Variants in CELSR1 observed in about 807,000 individuals in gnomAD.
CELSR1 encodes the protein cadherin EGF LAG seven-pass G-type receptor 1.
In CELSR1, 110 loss-of-function variants were observed where a neutral mutation model predicts 249.1. The observed-to-expected ratio is 0.44, with a 90% CI of 0.38 to 0.52. The LOEUF (loss-of-function observed/expected upper bound fraction) is 0.52, where lower values mean the gene tolerates loss of function less well. CELSR1 is among the 20% of genes least tolerant of loss of function. The probability of loss-of-function intolerance (pLI) is 0.00; values close to 1 mark genes in which losing one functional copy is unlikely to be tolerated. For missense variants in CELSR1, 4,109 were observed against 4,296.4 expected (o/e 0.96, Z 1.22); for synonymous variants, 2,113 against 1,900.0 (o/e 1.11, Z -2.92).
rs549939605 is a variant in CELSR1, at chr22:46,381,122, C to T, written c.7089-167G>A. Reference sequence around the variant, plus strand: ...CCCCACAGTATCTTCATCCCTAGAGCAGGTTTTATCACTGACAGGGCACAC... The same window carrying T: ...CCCCACAGTATCTTCATCCCTAGAGTAGGTTTTATCACTGACAGGGCACAC... On this transcript the variant is annotated intron_variant, in intron 21 of 34. Transcript: ENST00000674500. This position sits in a 1 kb window ranked among gnomAD's most constrained non-coding sequence, Gnocchi z 6.0. 6.6e-6 allele frequency among the ~76,000 whole-genome samples: 1 copy of T among 152,250 alleles called. No individual in the cohort carries two copies. The highest frequency in any genetic ancestry group is 1.9e-4 in the East Asian group (1 of 5,186).
rs559027745 is a variant in CELSR1 at position 46,404,729 on chromosome 22, T to C, written c.5226+4267A>G. The stretch of plus-strand genomic sequence containing the variant: ...GTCTTGAACTCCTGACCTCAGGTGA[T>C]CCACCTGCCTTGGCCTTCCAAAGTG... On this transcript the variant is annotated intron_variant, in intron 9 of 34. Transcript: ENST00000674500. Among the ~76,000 whole-genome samples, 46 of 152,326 alleles carry C rather than the reference T, an allele frequency of 3.0e-4. No individual in the cohort carries two copies. The East Asian group carries it at 7.7e-3, about 26-fold the overall frequency.
intron 26 of CELSR1, 67 bp from the exon 27 acceptor site, chr22:46,369,325 G>A (rs904064345): frequency 5.0e-5 from 69 of 1,382,900 alleles, no homozygotes; most frequent in Middle Eastern, 1.8e-4. Flanking sequence ...TGCCAAAAGC[G>A]CCTGAGGCCC....
intron 1 of CELSR1, chr22:46,530,213 G>T: frequency 6.6e-6 from 1 of 152,336 alleles, no homozygotes; most frequent in South Asian, 1.9e-4. Flanking sequence ...AGGCTGACAT[G>T]AATCGTGATC....
chr22:46,419,787 A>G (rs1199383130), intron 5 of CELSR1, among the ~76,000 whole-genome samples: 1 of 147,636 alleles, frequency 6.8e-6, no homozygotes. Context: ...TCACACTCAA[A>G]TGCGCCCTCA....
rs927122803 is a variant in CELSR1 at position 46,441,154 on chromosome 22, A to G, written c.4184-1743T>C. 7.8e-6 allele frequency among the ~76,000 whole-genome samples: 1 copy of G among 128,776 alleles called. No homozygotes were observed. 84.5% of individuals were successfully genotyped at this position (128,776 alleles called of 152,430 possible). On this transcript the variant is annotated intron_variant, in intron 2 of 34. Coordinates refer to ENST00000674500, the MANE Select transcript of CELSR1 (RefSeq NM_001378328.1). The surrounding 1 kb of genome is among the most constrained non-coding windows in gnomAD (Gnocchi z 6.1). ...GGTGCCAGAGCGAGACTTCATTTCA[A>G]AAAAAAAAAAAAAAGAGAGACTGCT...
intron 25 of CELSR1, among the ~76,000 whole-genome samples, chr22:46,370,523 CCA>C (rs1190417116): frequency 1.3e-5 from 2 of 152,158 alleles, no homozygotes; most frequent in East Asian, 3.8e-4. Context: ...TCACTCCCAG[CCA>C]CAGTGTGACA....
chr22:46,431,683 G>A (rs1242075480), intron 5 of CELSR1, among the ~76,000 whole-genome samples: 3 of 152,204 alleles, frequency 2.0e-5, no homozygotes, highest in Admixed American at 6.5e-5. Flanking sequence ...AGGACGCAAC[G>A]GCCACCCGTG....
In CELSR1 at chr22:46,372,948, T is replaced by G. The variant is rs774305366; in HGVS notation, c.7694A>C (p.Asn2565Thr). Reference protein sequence around the residue: ...HVYRMLTEVRNIDTGPMRFYY... With the variant: ...HVYRMLTEVRTIDTGPMRFYY... Reference sequence around the variant, plus strand: ...GAACCGCATGGGCCCCGTGTCGATGTTGCGCACCTCGGTCAGCATGCGGTA... The same window carrying G: ...GAACCGCATGGGCCCCGTGTCGATGGTGCGCACCTCGGTCAGCATGCGGTA... Residue 2565 changes from asparagine (N) to threonine (T), a missense_variant, in exon 25 of 35, where the codon AAC becomes ACC. Around this residue, in one of 7 missense-constraint regions of CELSR1, gnomAD observed 1,805 missense variants for 1,831.6 expected, o/e 0.99. Transcript: ENST00000674500. 6.2e-7 allele frequency: 1 copy of G among 1,613,420 alleles called. No individual in the cohort carries two copies. The highest frequency in any genetic ancestry group is 1.3e-5 in the African/African-American group (1 of 75,060).
intron 20 of CELSR1, 98 bp downstream of exon 20, chr22:46,384,445 T>A: frequency 2.2e-6 from 3 of 1,377,718 alleles, no homozygotes; most frequent in Non-Finnish European, 2.9e-6. Context: ...CTGGCCCAGA[T>A]CTTCAGTGCG....
chr22:46,439,267 G>A lies in CELSR1; in HGVS notation c.4328C>T (p.Thr1443Ile), dbSNP rs759243092. ...GGACTGGGGCGGGAAGCTCCTGGTG[G>A]TCACCTCACAGTAGGGCCTCTCATA... ...GEYERPYCEVTTRSFPPQSFV... is the reference protein window; with the variant it reads ...GEYERPYCEVITRSFPPQSFV... The change falls in exon 3 of 35, where the codon ACC becomes ATC. Residue 1443 changes from threonine (T) to isoleucine (I), a missense_variant. This residue lies in a region of CELSR1 where 453 missense variants were observed against 492.0 expected (regional missense o/e 0.92). Coordinates refer to ENST00000674500, the MANE Select transcript of CELSR1 (RefSeq NM_001378328.1). 2.5e-5 allele frequency: 41 copies of A among 1,614,064 alleles called. No homozygotes were observed. The highest frequency in any genetic ancestry group is 6.7e-5 in the Admixed American group (4 of 60,006).
chr22:46,489,914 T>C (rs1019425882), intron 1 of CELSR1, among the ~76,000 whole-genome samples: 1 of 149,140 alleles, frequency 6.7e-6, no homozygotes, highest in Non-Finnish European at 1.5e-5. Context: ...AAGCCCATCC[T>C]TCCTGCACTC....
chr22:46,373,300 G>A (rs2078876236), intron 24 of CELSR1, among the ~76,000 whole-genome samples: 1 of 152,110 alleles, frequency 6.6e-6, no homozygotes, highest in Non-Finnish European at 1.5e-5. Flanking sequence ...AAAGCAGTGT[G>A]AGAATGACAG....
intron 1 of CELSR1, among the ~76,000 whole-genome samples, chr22:46,513,279 A>G (rs528896149): frequency 6.6e-6 from 1 of 152,314 alleles, no homozygotes; most frequent in African/African-American, 2.4e-5. Flanking sequence ...AACACAGGGA[A>G]GAGTGTTCAT....
intron 5 of CELSR1, among the ~76,000 whole-genome samples, chr22:46,415,168 G>A (rs932491119): frequency 5.9e-5 from 9 of 152,138 alleles, no homozygotes; most frequent in African/African-American, 2.2e-4. Flanking sequence ...TACTTCTTTT[G>A]AGATGGAATC....
At position 46,484,951 on chromosome 22, in the gene CELSR1, C is replaced by A. The variant is rs539774162; in HGVS notation, c.3545-20606G>T. Among the ~76,000 whole-genome samples the A allele has an allele frequency of 6.6e-6, 1 of 151,698 alleles. No individual in the cohort carries two copies. Among genetic ancestry groups the A allele is most frequent in the Admixed American group, 6.6e-5 (1 of 15,208 alleles). ...GCTGAGAACAGAAAAGCTGAGATTT[C>A]GTTTTTCTAGTTAAATATTTGCTGA... On this transcript the variant is annotated intron_variant, in intron 1 of 34. Transcript: ENST00000674500. This position sits in a 1 kb window ranked among gnomAD's most constrained non-coding sequence, Gnocchi z 4.5.
rs867678746 is a variant in CELSR1, at chr22:46,382,030, C to T, written c.6904G>A (p.Ala2302Thr). Reference protein sequence around the residue: ...EEKEGPLLRPAGRRTTPQTTR... With the variant: ...EEKEGPLLRPTGRRTTPQTTR... ...GTCTGCGGGGTGGTCCTCCGGCCAG[C>T]CGGCCTCAGCAGGGGGCCTTCTGCA... Residue 2302 changes from alanine (A) to threonine (T), a missense_variant, in exon 21 of 35, where the codon GCT becomes ACT. By Grantham distance (58) the Ala-to-Thr change is moderately conservative. Transcript: ENST00000674500. 1 of 1,545,880 alleles carries T rather than the reference C, an allele frequency of 6.5e-7. No homozygotes were observed. The highest frequency in any genetic ancestry group is 1.9e-5 in the Admixed American group (1 of 51,940).
In CELSR1 at chr22:46,439,352, C is replaced by G; in HGVS notation, c.4243G>C (p.Gly1415Arg). Residue 1415 changes from glycine to arginine, a missense_variant, in exon 3 of 35, where the codon GGG becomes CGG. Physicochemically the swap from Gly to Arg is moderately radical, Grantham distance 125. Around this residue, in one of 7 missense-constraint regions of CELSR1, gnomAD observed 453 missense variants for 492.0 expected, o/e 0.92. Transcript: ENST00000674500. ...GRCANGVCKN[G>R]GTCVNLLIGG... ...ATGAGCAGGTTCACGCAGGTGCCCC[C>G]GTTCTTGCACACCCCGTTGGCACAG... 1 of 1,614,052 alleles carries G rather than the reference C, an allele frequency of 6.2e-7. No homozygotes were observed. The highest frequency in any genetic ancestry group is 8.5e-7 in the Non-Finnish European group (1 of 1,179,990).
At position 46,462,909 on chromosome 22, in the gene CELSR1, C is replaced by T. The variant is rs753263222; in HGVS notation, c.4183+798G>A. 1.2e-3 allele frequency: 541 copies of T among 468,178 alleles called. 1 individual carries two copies. The highest frequency in any genetic ancestry group is 1.9e-3 in the Non-Finnish European group (435 of 226,216). 29.0% of individuals were successfully genotyped at this position (468,178 alleles called of 1,614,324 possible). A position where few individuals can be genotyped will look rare whatever the true frequency, so the allele number is the denominator to read the frequency against. ...CATCTTCAGAGGCGGGAGGATGAGT[C>T]ACGAAATTTCTACGGTGACAGGGAG... On this transcript the variant is annotated intron_variant, in intron 2 of 34. Transcript: ENST00000674500.
rs756775379 is a variant in CELSR1, at chr22:46,391,668, T to G, written c.6113A>C (p.Asn2038Thr). ...VIGRQCNRCDNPFAEVTTLGC... is the reference protein window; with the variant it reads ...VIGRQCNRCDTPFAEVTTLGC... ...GAGCGTGGTGACCTCGGCAAACGGGTTGTCGCAGCGGTTGCACTGGCGGCC... is the reference window on the plus strand; with the variant it reads ...GAGCGTGGTGACCTCGGCAAACGGGGTGTCGCAGCGGTTGCACTGGCGGCC... The change falls in exon 15 of 35, where the codon AAC (asparagine) becomes ACC (threonine). Residue 2038 changes from asparagine to threonine, a missense_variant. This residue lies in a region of CELSR1 where 1,805 missense variants were observed against 1,831.6 expected (regional missense o/e 0.99). Transcript: ENST00000674500. The surrounding 1 kb of genome is among the most constrained non-coding windows in gnomAD (Gnocchi z 4.3). 6.2e-7 allele frequency: 1 copy of G among 1,607,224 alleles called. No homozygotes were observed. The highest frequency in any genetic ancestry group is 1.3e-5 in the African/African-American group (1 of 74,842).
Sources: gnomAD v4.1 joint callset for allele counts (sites outside exome capture counted in the v4.1 genomes callset) on GRCh38, gnomAD v4.1.1 for gene constraint, gnomAD v4.1.1 regional missense constraint, Gnocchi (gnomAD v3.1) non-coding constraint, MANE v1.5 for transcripts, NCBI Gene and HGNC (gene_info 2026-07-23, HGNC 2026-07-21) for gene names.